SNAP47: variants seen among roughly 807,000 people sequenced by gnomAD.
SNAP47 encodes synaptosomal-associated protein 47.
SNAP47 carries 20 observed loss-of-function variants against 31.4 expected under a neutral mutation model. The observed-to-expected ratio is 0.64, with a 90% CI of 0.45 to 0.93. The LOEUF (loss-of-function observed/expected upper bound fraction) is 0.93, where lower values mean the gene tolerates loss of function less well. Among genes scored for constraint, SNAP47 ranks in the 40% least tolerant of loss-of-function variants. SNAP47 has a pLI of 0.00. For synonymous variants in SNAP47, 194 were observed against 213.4 expected, an observed-to-expected ratio of 0.91 and a Z score of 0.79; for missense variants, 492 against 528.5, an observed-to-expected ratio of 0.93 and a Z score of 0.68.
chr1:227,755,141 T>C (rs7533588), intron 2 of SNAP47, among the ~76,000 whole-genome samples: 101,166 of 152,028 alleles, frequency 0.67, 34,709 homozygotes, highest in African/African-American at 0.83. Context: ...GACCTAATCT[T>C]CATAACAACC....
chr1:227,737,965 C>T (rs1455144858), intron 1 of SNAP47, among the ~76,000 whole-genome samples: 3 of 151,974 alleles, frequency 2.0e-5, no homozygotes, highest in African/African-American at 7.2e-5. Flanking sequence ...AAAGAATCAC[C>T]TCCAGTTCCG....
Position 227,759,370 on chromosome 1 carries a change from C to T in SNAP47, c.873C>T (p.Ile291=), listed in dbSNP as rs1416710009. 1 of 1,614,122 alleles carries T rather than the reference C, an allele frequency of 6.2e-7. No individual in the cohort carries two copies. Among genetic ancestry groups the T allele is most frequent in the Non-Finnish European group, 8.5e-7 (1 of 1,180,052 alleles). Residue 291 remains isoleucine (I), a synonymous_variant, in exon 3 of 5, where the codon ATC becomes ATT. Transcript: ENST00000617596. The part of the protein sequence containing the change: ...RLISAKMPEV[I]PILEVQFSKK... ...TATCTGCCAAGATGCCAGAGGTTAT[C>T]CCCATTTTAGAAGTGCAGTTCAGCA...
intron 1 of SNAP47, among the ~76,000 whole-genome samples, chr1:227,736,877 C>G (rs551028840): frequency 1.3e-5 from 2 of 151,708 alleles, no homozygotes; most frequent in African/African-American, 4.8e-5. Context: ...CGGTAGTCCT[C>G]GAGACGGGCA....
At chr1:227,733,598 G>C, upstream of SNAP47, 1 of 1,606,004 alleles carries the variant, frequency 6.2e-7, no homozygotes, top group Non-Finnish European at 8.5e-7. Flanking sequence ...TTCCTGCCCT[G>C]GGGGGAAGAG....
intron 3 of SNAP47, among the ~76,000 whole-genome samples, chr1:227,765,925 A>G (rs1387490079): frequency 6.6e-6 from 1 of 152,112 alleles, no homozygotes; most frequent in Non-Finnish European, 1.5e-5. Context: ...TGGAGGTGGC[A>G]TCTCTCCTGT....
intron 1 of SNAP47, among the ~76,000 whole-genome samples, chr1:227,744,927 G>T (rs569987500): frequency 7.9e-5 from 12 of 152,304 alleles, no homozygotes; most frequent in African/African-American, 2.9e-4. Flanking sequence ...GGAGGGAGGG[G>T]CTCGCTCACT....
chr1:227,765,391 A>G (rs1037340036), intron 3 of SNAP47, among the ~76,000 whole-genome samples: 2 of 152,198 alleles, frequency 1.3e-5, no homozygotes, highest in Non-Finnish European at 2.9e-5. Context: ...AGAGGCACAC[A>G]TCCTCTGAGT....
At chr1:227,745,860 G>C (rs1327714666) in intron 1 of SNAP47, 1 of 152,296 alleles carries the variant, frequency 6.6e-6, no homozygotes, top group African/African-American at 2.4e-5. Flanking sequence ...GCAGCCCCAG[G>C]CTGCTCGCCA....
At chr1:227,779,506 C>T (rs945382268) in intron 4 of SNAP47, among the ~76,000 whole-genome samples, 2 of 152,206 alleles carry the variant, frequency 1.3e-5, no homozygotes, top group African/African-American at 4.8e-5. Flanking sequence ...TGGATGGTCA[C>T]TGCTGTCCAA....
chr1:227,748,250 C>T lies in SNAP47; in HGVS notation c.497+17C>T, dbSNP rs1285957471. The T allele has an allele frequency of 5.2e-6, 8 of 1,545,124 alleles. No homozygotes were observed. The highest frequency in any genetic ancestry group is 7.0e-6 in the Non-Finnish European group (8 of 1,147,078). The stretch of plus-strand genomic sequence containing the variant: ...GGCGGACAGGTGGGCTTGCTGTGTA[C>T]ACTTTGCAAGGCACACACAGAGTAA... On this transcript the variant is annotated intron_variant, in intron 2 of 4. Coordinates refer to ENST00000617596, the MANE Select transcript of SNAP47 (RefSeq NM_053052.4).
upstream of SNAP47, chr1:227,732,930 T>A (rs1159161589): frequency 8.7e-6 from 14 of 1,613,044 alleles, no homozygotes; most frequent in Non-Finnish European, 1.1e-5. Flanking sequence ...CTCGCTGACC[T>A]CCTCCTGCAC....
intron 4 of SNAP47, among the ~76,000 whole-genome samples, chr1:227,775,025 C>T (rs1003416226): frequency 6.6e-6 from 1 of 152,202 alleles, no homozygotes; most frequent in Non-Finnish European, 1.5e-5. Context: ...GCGAGGCCGC[C>T]GTGCTCATTG....
At chr1:227,765,396 C>CT (rs1388581489) in intron 3 of SNAP47, among the ~76,000 whole-genome samples, 1 of 152,232 alleles carries the variant, frequency 6.6e-6, no homozygotes, top group Non-Finnish European at 1.5e-5. Context: ...CACACATCCT[C>CT]TGAGTTTGTG....
intron 1 of SNAP47, among the ~76,000 whole-genome samples, chr1:227,743,511 T>G (rs1346549134): frequency 6.6e-6 from 1 of 152,230 alleles, no homozygotes; most frequent in African/African-American, 2.4e-5. Context: ...CCTCGGCCCC[T>G]TGCTGCCTCT....
upstream of SNAP47, chr1:227,735,431 C>T (rs754790085): frequency 1.5e-5 from 23 of 1,509,414 alleles, no homozygotes; most frequent in African/African-American, 2.6e-4. Context: ...TCGCCGCGGT[C>T]TTCACTGCGC....
chr1:227,730,274 A>T (rs546251505), upstream of SNAP47, among the ~76,000 whole-genome samples: 1 of 152,238 alleles, frequency 6.6e-6, no homozygotes, highest in African/African-American at 2.4e-5. Context: ...GAAGGCCCTC[A>T]CATGTGCTGA....
At chr1:227,734,810 A>C (rs2102869894), upstream of SNAP47, 3 of 1,613,760 alleles carry the variant, frequency 1.9e-6, no homozygotes, top group East Asian at 2.2e-5. Context: ...TGGTACAACC[A>C]CGTCTCCTGA....
At position 227,748,208 on chromosome 1, in the gene SNAP47, G is replaced by A. The variant is rs747720131; in HGVS notation, c.472G>A (p.Glu158Lys). The A allele has an allele frequency of 1.3e-6, 2 of 1,596,332 alleles. No homozygotes were observed. The highest frequency in any genetic ancestry group is 1.7e-5 in the Admixed American group (1 of 57,694). The stretch of plus-strand genomic sequence containing the variant: ...CGTCATGAGAGGCCTGGACAAGATG[G>A]AGTCAGACCTGGAGGTGGCGGACAG... ...DSVMRGLDKM[E>K]SDLEVADRLL... The change falls in exon 2 of 5, where the codon GAG becomes AAG. Residue 158 changes from glutamate (E) to lysine (K), a missense_variant. By Grantham distance (56) the Glu-to-Lys change is moderately conservative. Transcript: ENST00000617596.
rs1418086556 is a variant in SNAP47 at position 227,739,666 on chromosome 1, C to A, written c.-46+4167C>A. 2.0e-5 allele frequency among the ~76,000 whole-genome samples: 3 copies of A among 152,234 alleles called. No individual in the cohort carries two copies. In the East Asian group the frequency reaches 5.8e-4, roughly 29 times the overall value. On this transcript the variant is annotated intron_variant, in intron 1 of 4. Coordinates refer to ENST00000617596, the MANE Select transcript of SNAP47 (RefSeq NM_053052.4). ...TGTTTACTGGGTACTGAGCCTCACT[C>A]AGGGGACCCTTGAGTGATGGAAATG...
Sources: allele counts gnomAD v4.1 joint callset (sites outside exome capture counted in the v4.1 genomes callset), GRCh38; gene constraint gnomAD v4.1.1; transcripts MANE v1.5; gene names NCBI Gene and HGNC (gene_info 2026-07-23, HGNC 2026-07-21).